USP36: variants seen among roughly 807,000 people sequenced by gnomAD.
The protein encoded by USP36 is ubiquitin carboxyl-terminal hydrolase 36.
A neutral mutation model predicts 111.5 loss-of-function variants in USP36; 59 were observed. That is an observed-to-expected ratio of 0.53 (90% CI 0.43 to 0.66). The LOEUF (loss-of-function observed/expected upper bound fraction) is 0.66. Ranked by LOEUF, USP36 falls within the 30% of genes least tolerant of loss-of-function variation. The pLI is 0.00. For synonymous variants in USP36, 628 were observed against 581.0 expected (o/e 1.08, Z -1.16); for missense variants, 1,488 against 1,468.0 (o/e 1.01, Z -0.22).
intron 10 of USP36, among the ~76,000 whole-genome samples, chr17:78,818,077 CCT>C: frequency 6.6e-6 from 1 of 152,202 alleles, no homozygotes; most frequent in Non-Finnish European, 1.5e-5. Context: ...AGAGTGAGAC[CCT>C]GTCTTAAAAC....
At chr17:78,811,424 A>G (rs1296987866) in intron 13 of USP36, among the ~76,000 whole-genome samples, 1 of 152,220 alleles carries the variant, frequency 6.6e-6, no homozygotes, top group Non-Finnish European at 1.5e-5. Flanking sequence ...TTTCTGATCC[A>G]TTTGAGTAAA....
At chr17:78,808,642 C>T (rs1184484880) in intron 13 of USP36, among the ~76,000 whole-genome samples, 2 of 152,112 alleles carry the variant, frequency 1.3e-5, no homozygotes, top group African/African-American at 4.8e-5. Context: ...ATATTGTCTC[C>T]AACTGTTGAA....
chr17:78,799,669 T>A lies in USP36; in HGVS notation c.3122A>T (p.Lys1041Ile). 1 of 1,611,732 alleles carries A rather than the reference T, an allele frequency of 6.2e-7. No homozygotes were observed. Among genetic ancestry groups the A allele is most frequent in the Non-Finnish European group, 8.5e-7 (1 of 1,179,180 alleles). ...AAGTCCTGTCTCCAAATCAGTACCT[T>A]TTCTCCCGTAAGCTTTATCAGATGA... ...KYSSDKAYGR[K>I]VLTWDGKMSA... is the part of the protein sequence containing the mutation. Residue 1041 changes from lysine to isoleucine, a missense_variant and splice_region_variant, in exon 18 of 21, where the codon AAA becomes ATA. Physicochemically the swap from Lys to Ile is moderately radical, Grantham distance 102. Coordinates refer to ENST00000449938, the MANE Select transcript of USP36 (RefSeq NM_001385174.1).
intron 5 of USP36, among the ~76,000 whole-genome samples, chr17:78,828,460 C>T (rs2067779346): frequency 6.6e-6 from 1 of 152,146 alleles, no homozygotes; most frequent in African/African-American, 2.4e-5. Context: ...GCCCACCTGC[C>T]TGCCCCAAAT....
At chr17:78,831,798 A>AG (rs1198414037) in intron 4 of USP36, among the ~76,000 whole-genome samples, 2 of 151,482 alleles carry the variant, frequency 1.3e-5, no homozygotes, top group African/African-American at 2.4e-5. Flanking sequence ...ACAAAAAAAA[A>AG]ATTAGCTGGG....
intron 12 of USP36, 74 bp downstream of exon 12, chr17:78,813,699 G>T (rs1567937593): frequency 1.5e-6 from 2 of 1,361,696 alleles, no homozygotes; most frequent in Non-Finnish European, 2.1e-6. Context: ...AACAAAAAAA[G>T]GTTAGGGAGG....
chr17:78,792,850 T>C (rs915775203), downstream of USP36, among the ~76,000 whole-genome samples: 4 of 152,088 alleles, frequency 2.6e-5, no homozygotes, highest in African/African-American at 7.2e-5. Context: ...TCCCAAGTAG[T>C]TGGGATTACA....
rs775280247 is a variant in USP36, at chr17:78,828,900, T to C, written c.583A>G (p.Lys195Glu). The C allele has an allele frequency of 3.1e-6, 5 of 1,614,060 alleles. No individual in the cohort carries two copies. Among genetic ancestry groups the C allele is most frequent in the Non-Finnish European group, 3.4e-6 (4 of 1,179,990 alleles). ...IKPVSFIRDL[K>E]KIARHFRFGN... ...TTTAACATGGATTGATGCTTACTTT[T>C]CAGGTCTCGGATGAAGGAGACGGGC... is the stretch of plus-strand genomic sequence containing the variant. The change falls in exon 5 of 21, where the codon AAA becomes GAA. Residue 195 changes from lysine to glutamate, a missense_variant. Around this residue, in one of 3 missense-constraint regions of USP36, gnomAD observed 196 missense variants for 264.4 expected, o/e 0.74. Coordinates refer to ENST00000449938, the MANE Select transcript of USP36 (RefSeq NM_001385174.1).
chr17:78,824,098 C>A (rs555712860), intron 6 of USP36, among the ~76,000 whole-genome samples: 2 of 152,346 alleles, frequency 1.3e-5, no homozygotes, highest in African/African-American at 4.8e-5. Flanking sequence ...TAGAGTGCCA[C>A]ACACAGCTGC....
intron 3 of USP36, among the ~76,000 whole-genome samples, chr17:78,790,352 G>A (rs113185249): frequency 0.012 from 1,794 of 152,094 alleles, 39 homozygotes; most frequent in African/African-American, 0.042. Flanking sequence ...GCACAATGGC[G>A]CGGTCTCAGC....
intron 13 of USP36, among the ~76,000 whole-genome samples, chr17:78,810,934 T>C (rs1409552457): frequency 1.3e-5 from 2 of 151,762 alleles, no homozygotes; most frequent in Admixed American, 6.6e-5. Flanking sequence ...GCCAACATGG[T>C]GAAACCCCAT....
intron 15 of USP36, among the ~76,000 whole-genome samples, chr17:78,804,897 G>C (rs972307685): frequency 6.6e-6 from 1 of 152,152 alleles, no homozygotes; most frequent in African/African-American, 2.4e-5. Flanking sequence ...GAAAGTCTCA[G>C]GGTGTTCCCG....
Position 78,836,140 on chromosome 17 carries a change from C to G in USP36, c.224G>C (p.Ser75Thr). 1.9e-6 allele frequency: 3 copies of G among 1,613,886 alleles called. No individual in the cohort carries two copies. The highest frequency in any genetic ancestry group is 2.5e-6 in the Non-Finnish European group (3 of 1,180,048). The change falls in exon 3 of 21, where the codon AGT (serine) becomes ACT (threonine). Residue 75 changes from serine (S) to threonine (T), a missense_variant. Physicochemically the swap from Ser to Thr is moderately conservative, Grantham distance 58. Coordinates refer to ENST00000449938, the MANE Select transcript of USP36 (RefSeq NM_001385174.1). The stretch of plus-strand genomic sequence containing the variant: ...TCTCCTGGCCGGTGGGTCATCTCCA[C>G]TCTTGTGGCGACTAGCTCCCTCTGT... ...PKTEGASRHK[S>T]GDDPPARRQG...
In USP36 at chr17:78,829,015, C is replaced by T. The variant is rs201284395; in HGVS notation, c.476-8G>A. 23 of 1,610,824 alleles carry T rather than the reference C, an allele frequency of 1.4e-5. No homozygotes were observed. Among genetic ancestry groups the T allele is most frequent in the Admixed American group, 6.7e-5 (4 of 59,606 alleles). ...AGAAGCTTCCCTGGTGGCCTGCCGGCGTGGAAGGAGGAGCAATTTTAAGAC... is the reference window on the plus strand; with the variant it reads ...AGAAGCTTCCCTGGTGGCCTGCCGGTGTGGAAGGAGGAGCAATTTTAAGAC... On this transcript the variant is annotated splice_region_variant and splice_polypyrimidine_tract_variant and intron_variant, in intron 4 of 20. Transcript: ENST00000449938.
At chr17:78,806,403 A>G (rs2093902788) in intron 14 of USP36, 117 bp from the exon 15 acceptor site, 4 of 1,399,040 alleles carry the variant, frequency 2.9e-6, no homozygotes, top group Non-Finnish European at 3.9e-6. Context: ...AGAAAAAAAG[A>G]TGAGGAGACA....
chr17:78,803,323 T>G lies in USP36; in HGVS notation c.2810+62A>C. The G allele has an allele frequency of 6.5e-7, 1 of 1,530,714 alleles. No homozygotes were observed. The highest frequency in any genetic ancestry group is 8.9e-7 in the Non-Finnish European group (1 of 1,123,112). 94.8% of individuals were successfully genotyped at this position (1,530,714 alleles called of 1,614,324 possible). On this transcript the variant is annotated intron_variant, in intron 16 of 20. Coordinates refer to ENST00000449938, the MANE Select transcript of USP36 (RefSeq NM_001385174.1). The surrounding 1 kb of genome is among the most constrained non-coding windows in gnomAD (Gnocchi z 4.6). ...AGACCATACCTACTTGGGGGTAGAT[T>G]CTGTGGTTTTGCTTTGTTTCTCGTC...
Position 78,807,392 on chromosome 17 carries a change from T to C in USP36, c.1652A>G (p.Gln551Arg). 1.2e-6 allele frequency: 2 copies of C among 1,614,210 alleles called. No homozygotes were observed. The highest frequency in any genetic ancestry group is 1.7e-6 in the Non-Finnish European group (2 of 1,180,032). The part of the protein sequence containing the change: ...PPQHFSPRTA[Q>R]GLPGTSNSNS... ...CGAGTTGCTGGTCCCAGGCAGCCCC[T>C]GAGCAGTTCTGGGGGAAAAGTGCTG... The change falls in exon 14 of 21, where the codon CAG (glutamine) becomes CGG (arginine). Residue 551 changes from glutamine (Q) to arginine (R), a missense_variant. Physicochemically the swap from Gln to Arg is conservative, Grantham distance 43 (BLOSUM62 1). Transcript: ENST00000449938.
downstream of USP36, among the ~76,000 whole-genome samples, chr17:78,791,262 G>A (rs1042896388): frequency 2.6e-5 from 4 of 151,294 alleles, no homozygotes; most frequent in Non-Finnish European, 5.9e-5. Context: ...ACCCTCCCAA[G>A]TAGCTGGGAT....
At chr17:78,816,037 G>A (rs1439918930) in intron 10 of USP36, among the ~76,000 whole-genome samples, 1 of 152,134 alleles carries the variant, frequency 6.6e-6, no homozygotes, top group African/African-American at 2.4e-5. Flanking sequence ...CAGTAATAGT[G>A]CCTGGCATGG....
Sources: gnomAD v4.1 joint callset for allele counts (sites outside exome capture counted in the v4.1 genomes callset) on GRCh38, gnomAD v4.1.1 for gene constraint, gnomAD v4.1.1 regional missense constraint, Gnocchi (gnomAD v3.1) non-coding constraint, MANE v1.5 for transcripts, NCBI Gene and HGNC (gene_info 2026-07-23, HGNC 2026-07-21) for gene names.